The following GRID1 variants were observed in gnomAD, a reference collection of about 807,000 sequenced individuals.
GRID1 encodes the protein glutamate ionotropic receptor delta type subunit 1, also known as glutamate receptor ionotropic, delta-1.
A neutral mutation model predicts 98.0 loss-of-function variants in GRID1; 28 were observed. The observed-to-expected ratio is 0.29, with a 90% CI of 0.21 to 0.39. The LOEUF (loss-of-function observed/expected upper bound fraction) is 0.39. Ranked by LOEUF, GRID1 falls within the 10% of genes least tolerant of loss-of-function variation. The pLI, the probability that GRID1 is intolerant of heterozygous loss-of-function variation, is 1.00. For missense variants in GRID1, 1,111 were observed against 1,340.5 expected, an observed-to-expected ratio of 0.83 and a Z score of 2.67; for synonymous variants, 553 against 538.5, an observed-to-expected ratio of 1.03 and a Z score of -0.37.
intron 3 of GRID1, among the ~76,000 whole-genome samples, chr10:86,158,201 G>A (rs1305125718): frequency 2.0e-5 from 3 of 152,184 alleles, no homozygotes; most frequent in Admixed American, 2.0e-4. Flanking sequence ...CTGGGAGTCA[G>A]ACAGCCCTGG....
chr10:86,141,032 G>A (rs1012316352), intron 3 of GRID1, among the ~76,000 whole-genome samples: 3 of 151,868 alleles, frequency 2.0e-5, no homozygotes, highest in East Asian at 3.9e-4. Context: ...ACAGCCATGT[G>A]ACCAAACCCA....
Position 85,761,105 on chromosome 10 carries a change from G to A in GRID1, c.1234-31491C>T, listed in dbSNP as rs534972739. Among the ~76,000 whole-genome samples the A allele has an allele frequency of 5.3e-5, 8 of 152,244 alleles. No individual in the cohort carries two copies. In the East Asian group the frequency reaches 1.5e-3, roughly 29 times the overall value. On this transcript the variant is annotated intron_variant, in intron 8 of 15. Transcript: ENST00000327946. ...TGAGCTCAGCTGAGCAAATTAAAAAGTAACTTTTTACGGGTATCCCAGGAA... is the reference window on the plus strand; with the variant it reads ...TGAGCTCAGCTGAGCAAATTAAAAAATAACTTTTTACGGGTATCCCAGGAA...
At chr10:85,946,679 C>A (rs148512520) in intron 4 of GRID1, among the ~76,000 whole-genome samples, 1 of 152,132 alleles carries the variant, frequency 6.6e-6, no homozygotes, top group Non-Finnish European at 1.5e-5. Flanking sequence ...CCGGGGATTG[C>A]GGGGGGAAGA....
chr10:86,362,955 C>T (rs7085227), intron 2 of GRID1, among the ~76,000 whole-genome samples: 146,179 of 152,374 alleles, frequency 0.96, 70,248 homozygotes, highest in East Asian at 1. Context: ...CTAACTTGCC[C>T]CAGCACTGAG....
intron 4 of GRID1, among the ~76,000 whole-genome samples, chr10:86,019,063 T>TTAA (rs1843016081): frequency 6.6e-6 from 1 of 152,214 alleles, no homozygotes; most frequent in Admixed American, 6.5e-5. Flanking sequence ...GTGCCTCTTA[T>TTAA]AGGACAAGAT....
chr10:86,127,688 T>C (rs1156909186), intron 4 of GRID1, among the ~76,000 whole-genome samples: 3 of 152,168 alleles, frequency 2.0e-5, no homozygotes, highest in Non-Finnish European at 4.4e-5. Context: ...AGCCCCTCCT[T>C]ACCACCCGAG....
rs542322534 is a variant in GRID1, at chr10:86,091,842, G to A, written c.726+46977C>T. Among the ~76,000 whole-genome samples, 103 of 152,228 alleles carry A rather than the reference G, an allele frequency of 6.8e-4. 1 individual carries two copies. The highest frequency in any genetic ancestry group is 6.8e-3 in the Middle Eastern group (2 of 294). On this transcript the variant is annotated intron_variant, in intron 4 of 15. Transcript: ENST00000327946. ...GCAGACAACCCCCAATACCAGCCCC[G>A]AGCCGGGTAGACTCGCTGGGTAGCT...
chr10:85,624,462 A>G (rs1305413890), intron 13 of GRID1, among the ~76,000 whole-genome samples: 1 of 152,222 alleles, frequency 6.6e-6, no homozygotes, highest in Non-Finnish European at 1.5e-5. Flanking sequence ...GTGGGCATAG[A>G]CACCCAACAC....
chr10:85,842,938 G>A (rs977196536), intron 8 of GRID1, among the ~76,000 whole-genome samples: 4 of 151,440 alleles, frequency 2.6e-5, no homozygotes, highest in East Asian at 1.9e-4. Flanking sequence ...GTACAACAGC[G>A]AAAAAACAAA....
At chr10:85,621,865 A>T (rs1317580734) in intron 13 of GRID1, among the ~76,000 whole-genome samples, 1 of 152,160 alleles carries the variant, frequency 6.6e-6, no homozygotes, top group Non-Finnish European at 1.5e-5. Flanking sequence ...TCTCAGCAAA[A>T]TGTTGACTTA....
chr10:86,114,917 C>A (rs980704935), intron 4 of GRID1, among the ~76,000 whole-genome samples: 1 of 152,208 alleles, frequency 6.6e-6, no homozygotes, highest in Non-Finnish European at 1.5e-5. Context: ...AGGCACTCAG[C>A]AGGGATGTAG....
chr10:85,811,429 TAATATA>T (rs1842669739), intron 8 of GRID1, among the ~76,000 whole-genome samples: 1 of 152,134 alleles, frequency 6.6e-6, no homozygotes, highest in Admixed American at 6.5e-5. Context: ...AGATACAAGA[TAATATA>T]AATAAACGAT....
At chr10:85,777,579 A>G (rs973927717) in intron 8 of GRID1, among the ~76,000 whole-genome samples, 2 of 152,210 alleles carry the variant, frequency 1.3e-5, no homozygotes, top group Admixed American at 6.5e-5. Context: ...GTTTCTTTGA[A>G]GTTCTCATCA....
At chr10:86,249,720 C>A (rs556911733) in intron 2 of GRID1, among the ~76,000 whole-genome samples, 1 of 152,332 alleles carries the variant, frequency 6.6e-6, no homozygotes, top group East Asian at 1.9e-4. Flanking sequence ...TTTGCTAATG[C>A]TCAGATGGCC....
At chr10:86,093,388 GA>G (rs539263812) in intron 4 of GRID1, among the ~76,000 whole-genome samples, 194 of 121,496 alleles carry the variant, frequency 1.6e-3, no homozygotes, top group African/African-American at 2.9e-3. Context: ...AAATGAAACT[GA>G]AAAAAAAAAA....
rs112433499 is a variant in GRID1 at position 85,667,492 on chromosome 10, G to A, written c.1998-20095C>T. Reference sequence around the variant, plus strand: ...AGTATTTACAGAAAAACCCTTTTAGGTTGTCCCTATTATTATTCTCAGTCT... The same window carrying A: ...AGTATTTACAGAAAAACCCTTTTAGATTGTCCCTATTATTATTCTCAGTCT... On this transcript the variant is annotated intron_variant, in intron 12 of 15. Transcript: ENST00000327946. Among the ~76,000 whole-genome samples the A allele has an allele frequency of 1.9e-4, 29 of 152,172 alleles. 1 individual carries two copies. Among genetic ancestry groups the A allele is most frequent in the South Asian group, 1.2e-3 (6 of 4,826 alleles).
At chr10:86,034,949 G>C (rs78903903) in intron 4 of GRID1, among the ~76,000 whole-genome samples, 1,738 of 151,576 alleles carry the variant, frequency 0.011, 37 homozygotes, top group African/African-American at 0.04. Context: ...TGGATGGATG[G>C]ATGGATAGAT....
At chr10:86,269,262 G>A (rs1031812263) in intron 2 of GRID1, among the ~76,000 whole-genome samples, 6 of 152,202 alleles carry the variant, frequency 3.9e-5, no homozygotes, top group African/African-American at 1.4e-4. Flanking sequence ...AGGGGTGGGG[G>A]CAGAATGAAA....
chr10:85,723,215 C>T, intron 11 of GRID1, 74 bp from the exon 12 acceptor site: 3 of 1,447,652 alleles, frequency 2.1e-6, no homozygotes, highest in South Asian at 2.9e-5. Flanking sequence ...GTGTTCTGCC[C>T]TGCAGCCAGG....
Sources: allele counts gnomAD v4.1 joint callset (sites outside exome capture counted in the v4.1 genomes callset), GRCh38; gene constraint gnomAD v4.1.1; transcripts MANE v1.5; gene names NCBI Gene and HGNC (gene_info 2026-07-23, HGNC 2026-07-21).